ANXA8: variants seen among roughly 807,000 people sequenced by gnomAD.
The protein encoded by ANXA8 is annexin A8, also known as VAC-beta.
A neutral mutation model predicts 26.8 loss-of-function variants in ANXA8; 9 were observed. The observed-to-expected ratio is 0.34, with a 90% CI of 0.20 to 0.59. The LOEUF is 0.59. ANXA8 is among the 20% of genes least tolerant of loss of function. The pLI is 0.84. For synonymous variants in ANXA8, 39 were observed against 94.8 expected (o/e 0.41, Z 3.42); for missense variants, 83 against 238.5 (o/e 0.35, Z 4.29).
At position 47,468,883 on chromosome 10, in the gene ANXA8, C is replaced by G; in HGVS notation, c.948G>C (p.Lys316Asn). The G allele has an allele frequency of 6.2e-7, 1 of 1,611,250 alleles. No homozygotes were observed. Residue 316 changes from lysine (K) to asparagine (N), a missense_variant, in exon 12 of 12, where the codon AAG becomes AAC. Lys to Asn is a moderately conservative substitution (Grantham distance 94). Coordinates refer to ENST00000585281, the MANE Select transcript of ANXA8 (RefSeq NM_001040084.3). ...TGCCCACCAGGCTCAGCAGGGCGTT[C>G]TTGTAGTCACCGCTGGTGTCTTCCT... Reference protein sequence around the residue: ...MIMEDTSGDYKNALLSLVGSD... With the variant: ...MIMEDTSGDYNNALLSLVGSD...
chr10:47,520,859 AAAG>A, the ANXA8 span, among the ~76,000 whole-genome samples: 23 of 129,374 alleles, frequency 1.8e-4, no homozygotes, highest in African/African-American at 5.4e-4. Flanking sequence ...AAAAAAAAAA[AAAG>A]AAGAAGAGGT....
At chr10:47,679,496 T>C in the ANXA8 span, among the ~76,000 whole-genome samples, 1 of 151,972 alleles carries the variant, frequency 6.6e-6, no homozygotes, top group Non-Finnish European at 1.5e-5. Context: ...TTGTCTGTAA[T>C]CCCACTTACT....
the ANXA8 span, among the ~76,000 whole-genome samples, chr10:47,947,619 A>G: frequency 6.6e-6 from 1 of 150,680 alleles, no homozygotes; most frequent in East Asian, 2.0e-4. Flanking sequence ...TTCTCATGAG[A>G]TTACCACTTC....
the ANXA8 span, among the ~76,000 whole-genome samples, chr10:47,681,596 A>G: frequency 2.4e-5 from 3 of 125,088 alleles, no homozygotes; most frequent in Admixed American, 8.2e-5. Context: ...CAGTGGCACA[A>G]TCACGGCTTA....
chr10:47,502,626 T>C, the ANXA8 span: 2 of 1,606,728 alleles, frequency 1.2e-6, no homozygotes, highest in Non-Finnish European at 1.7e-6. Context: ...TACCTGAGCA[T>C]TCAATACACA....
chr10:47,685,005 T>C, the ANXA8 span, among the ~76,000 whole-genome samples: 2 of 150,622 alleles, frequency 1.3e-5, no homozygotes, highest in African/African-American at 4.9e-5. Flanking sequence ...TAGACACCCC[T>C]GATTTAGACA....
intron 11 of ANXA8, among the ~76,000 whole-genome samples, chr10:47,469,198 T>G (rs1383141846): frequency 1.4e-5 from 2 of 147,864 alleles, no homozygotes; most frequent in Non-Finnish European, 3.0e-5. Context: ...TGTCCCAGGG[T>G]TCTTCTATTC....
chr10:47,645,673 C>T, the ANXA8 span, among the ~76,000 whole-genome samples: 151 of 151,592 alleles, frequency 1.0e-3, no homozygotes, highest in South Asian at 3.5e-3. Flanking sequence ...AAGGGTTGCC[C>T]ACATGGCTGA....
the ANXA8 span, among the ~76,000 whole-genome samples, chr10:47,524,192 C>A: frequency 6.7e-6 from 1 of 148,968 alleles, no homozygotes; most frequent in African/African-American, 2.5e-5. Context: ...GAGTTCTACA[C>A]AAAGCCTCAG....
the ANXA8 span, among the ~76,000 whole-genome samples, chr10:47,492,343 GA>G: frequency 6.8e-6 from 1 of 147,224 alleles, no homozygotes; most frequent in Admixed American, 6.8e-5. Context: ...ACTCACCCAA[GA>G]GGCTCTGTGA....
At chr10:47,548,295 T>A in the ANXA8 span, among the ~76,000 whole-genome samples, 5 of 145,746 alleles carry the variant, frequency 3.4e-5, no homozygotes, top group East Asian at 2.4e-4. Context: ...TGGCTTATTT[T>A]TTTGCTAATT....
chr10:47,627,300 G>A, the ANXA8 span, among the ~76,000 whole-genome samples: 2 of 150,140 alleles, frequency 1.3e-5, no homozygotes, highest in African/African-American at 2.5e-5. Flanking sequence ...CAATTTCTAG[G>A]GGAATGGCTA....
At chr10:47,509,047 T>A in the ANXA8 span, among the ~76,000 whole-genome samples, 1 of 135,552 alleles carries the variant, frequency 7.4e-6, no homozygotes, top group Non-Finnish European at 1.5e-5. Context: ...AAATGATTAT[T>A]TCTCAAACTT....
chr10:47,502,208 G>A, the ANXA8 span: 3 of 1,547,302 alleles, frequency 1.9e-6, 1 homozygote, highest in Middle Eastern at 7.2e-4. Context: ...GTCAGGAGCT[G>A]CTCCAGGACC....
At chr10:47,946,417 T>C in the ANXA8 span, among the ~76,000 whole-genome samples, 2 of 150,648 alleles carry the variant, frequency 1.3e-5, no homozygotes, top group Admixed American at 6.6e-5. Context: ...AGGGCAGAGA[T>C]ATGAGTGACC....
the ANXA8 span, among the ~76,000 whole-genome samples, chr10:47,743,324 A>G: frequency 9.8e-6 from 1 of 101,974 alleles, no homozygotes; most frequent in African/African-American, 3.5e-5. Flanking sequence ...ACATATATAT[A>G]TATACATATA....
At chr10:47,566,467 C>G in the ANXA8 span, among the ~76,000 whole-genome samples, 1 of 151,774 alleles carries the variant, frequency 6.6e-6, no homozygotes, top group East Asian at 1.9e-4. Context: ...TGCTCTCTCC[C>G]TTCGGGCTCC....
chr10:47,768,190 AT>A, the ANXA8 span, among the ~76,000 whole-genome samples: 1 of 151,354 alleles, frequency 6.6e-6, no homozygotes, highest in Non-Finnish European at 1.5e-5. Context: ...AGCAAGGGCC[AT>A]TTGTGGCAAA....
At chr10:47,736,845 G>A in the ANXA8 span, among the ~76,000 whole-genome samples, 2 of 148,568 alleles carry the variant, frequency 1.3e-5, no homozygotes, top group Non-Finnish European at 3.0e-5. Flanking sequence ...AGTAGAGACA[G>A]GATTTTGCCA....
Sources: gnomAD v4.1 joint callset for allele counts (sites outside exome capture counted in the v4.1 genomes callset) on GRCh38, gnomAD v4.1.1 for gene constraint, MANE v1.5 for transcripts, NCBI Gene and HGNC (gene_info 2026-07-23, HGNC 2026-07-21) for gene names.